ANKS1A: variants seen among roughly 807,000 people sequenced by gnomAD.
ANKS1A encodes the protein ankyrin repeat and sterile alpha motif domain containing 1A, also known as ankyrin repeat and SAM domain-containing protein 1A.
A neutral mutation model predicts 120.3 loss-of-function variants in ANKS1A; 55 were observed. That is an observed-to-expected ratio of 0.46 (90% CI 0.37 to 0.57). The LOEUF (loss-of-function observed/expected upper bound fraction) is 0.57, where lower values mean the gene tolerates loss of function less well. Among genes scored for constraint, ANKS1A ranks in the 20% least tolerant of loss-of-function variants. The pLI is 0.00. For missense variants in ANKS1A, 1,123 were observed against 1,480.3 expected (o/e 0.76, Z 3.96); for synonymous variants, 590 against 604.7 (o/e 0.98, Z 0.36).
chr6:35,040,411 GC>G (rs1775398147), intron 11 of ANKS1A, among the ~76,000 whole-genome samples: 2 of 152,218 alleles, frequency 1.3e-5, no homozygotes, highest in African/African-American at 4.8e-5. Flanking sequence ...GGTGGTGAGA[GC>G]CCAAGGGCCA....
chr6:34,999,826 A>AGAGGCAAGGAAAGACCG (rs1365516008), intron 10 of ANKS1A, among the ~76,000 whole-genome samples: 16 of 152,010 alleles, frequency 1.1e-4, no homozygotes, highest in Admixed American at 2.0e-4. Flanking sequence ...AGGAAAGACC[A>AGAGGCAAGGAAAGACCG]GCAGAGAGAA....
intron 1 of ANKS1A, among the ~76,000 whole-genome samples, chr6:34,965,558 T>G (rs1303582168): frequency 2.0e-5 from 3 of 151,664 alleles, no homozygotes; most frequent in African/African-American, 7.3e-5. Context: ...CCTATGTTGG[T>G]CAGGCTGGTC....
intron 1 of ANKS1A, among the ~76,000 whole-genome samples, chr6:34,960,312 T>C (rs898624932): frequency 9.2e-5 from 14 of 152,300 alleles, no homozygotes; most frequent in African/African-American, 2.9e-4. Flanking sequence ...TTGGCCCTTA[T>C]CACCACATAG....
intron 11 of ANKS1A, among the ~76,000 whole-genome samples, chr6:35,029,876 A>C (rs1037916773): frequency 6.6e-6 from 1 of 150,680 alleles, no homozygotes; most frequent in Admixed American, 6.6e-5. Context: ...ACACACAAAC[A>C]CATAATTTCC....
chr6:34,917,017 G>A (rs1300505607), intron 1 of ANKS1A, among the ~76,000 whole-genome samples: 1 of 152,110 alleles, frequency 6.6e-6, no homozygotes, highest in Non-Finnish European at 1.5e-5. Flanking sequence ...GATATTTAAG[G>A]GAGGGCCTCT....
intron 10 of ANKS1A, among the ~76,000 whole-genome samples, chr6:35,013,491 C>T (rs116367163): frequency 0.011 from 1,731 of 151,942 alleles, 38 homozygotes; most frequent in African/African-American, 0.036. Context: ...GATGAGGTCT[C>T]GCCATGTTGC....
intron 13 of ANKS1A, among the ~76,000 whole-genome samples, chr6:35,072,018 C>G (rs570928895): frequency 2.0e-5 from 3 of 152,280 alleles, no homozygotes; most frequent in Non-Finnish European, 2.9e-5. Context: ...CACTCCCAAA[C>G]AGTCCCCTTC....
rs372780777 is a variant in ANKS1A at position 35,050,626 on chromosome 6, C to T, written c.2011-3473C>T. Among the ~76,000 whole-genome samples, 1 of 151,084 alleles carries T rather than the reference C, an allele frequency of 6.6e-6. No homozygotes were observed. Among genetic ancestry groups the T allele is most frequent in the African/African-American group, 2.4e-5 (1 of 41,014 alleles). ...AGATTGAAATGATCTTATTTCCTCT[C>T]TGCTGGTTCTGGGCATGAGGGTGAG... On this transcript the variant is annotated intron_variant, in intron 11 of 23. Coordinates refer to ENST00000360359, the MANE Select transcript of ANKS1A (RefSeq NM_015245.3). This position sits in a 1 kb window ranked among gnomAD's most constrained non-coding sequence, Gnocchi z 4.3.
intron 10 of ANKS1A, among the ~76,000 whole-genome samples, chr6:34,997,686 GTTCT>G (rs1201570850): frequency 6.6e-6 from 1 of 152,136 alleles, no homozygotes; most frequent in Non-Finnish European, 1.5e-5. Flanking sequence ...GGAGATTCCA[GTTCT>G]TTCTTTCTTT....
chr6:34,962,545 T>C (rs937469417), intron 1 of ANKS1A, among the ~76,000 whole-genome samples: 1 of 152,224 alleles, frequency 6.6e-6, no homozygotes, highest in Admixed American at 6.5e-5. Context: ...CCCAGCACTT[T>C]GGGAGGCCAA....
In ANKS1A at chr6:35,018,044, C is replaced by T. The variant is rs753149467; in HGVS notation, c.1995C>T (p.Ala665=). The change falls in exon 11 of 24, where the codon GCC becomes GCT. Residue 665 remains alanine (A), a synonymous_variant. Transcript: ENST00000360359. ...KKRLEKSPSF[A]SEWDEIEKIM... The stretch of plus-strand genomic sequence containing the variant: ...GGCTAGAGAAGTCACCCTCCTTCGC[C>T]TCGGAGTGGGATGAGGTAAGGCCGA... The T allele has an allele frequency of 1.2e-6, 2 of 1,613,618 alleles. No homozygotes were observed. Among genetic ancestry groups the T allele is most frequent in the Non-Finnish European group, 1.7e-6 (2 of 1,179,894 alleles).
intron 1 of ANKS1A, among the ~76,000 whole-genome samples, chr6:34,911,714 G>C (rs1366136241): frequency 1.3e-5 from 2 of 152,164 alleles, no homozygotes; most frequent in Non-Finnish European, 2.9e-5. Flanking sequence ...TTTCTCTTCA[G>C]CTAGCCAAAA....
rs776306975 is a variant in ANKS1A, at chr6:35,089,987, T to C, written c.*1378T>C. 4 of 1,185,294 alleles carry C rather than the reference T, an allele frequency of 3.4e-6. No homozygotes were observed. The highest frequency in any genetic ancestry group is 4.3e-6 in the Non-Finnish European group (4 of 938,410). 73.4% of individuals were successfully genotyped at this position (1,185,294 alleles called of 1,614,324 possible). ...AATTTGAATTCTTTGTTGGTATGTA[T>C]GTGCAGGGAGTACTGTTAGGCACAT... On this transcript the variant is annotated 3_prime_UTR_variant, in exon 24 of 24. Coordinates refer to ENST00000360359, the MANE Select transcript of ANKS1A (RefSeq NM_015245.3).
chr6:35,078,758 C>T (rs1199362032), intron 14 of ANKS1A, 102 bp downstream of exon 14: 10 of 1,133,536 alleles, frequency 8.8e-6, no homozygotes, highest in South Asian at 1.3e-5. Context: ...CTCCAGCACA[C>T]GCACATCATA....
At chr6:35,018,614 G>C (rs1028401901) in intron 11 of ANKS1A, among the ~76,000 whole-genome samples, 1 of 152,046 alleles carries the variant, frequency 6.6e-6, no homozygotes, top group Admixed American at 6.6e-5. Context: ...TGATGCTGAG[G>C]TTTGGGGTAC....
intron 8 of ANKS1A, among the ~76,000 whole-genome samples, chr6:34,986,608 G>A (rs925657783): frequency 2.6e-5 from 4 of 152,216 alleles, no homozygotes; most frequent in Admixed American, 6.5e-5. Flanking sequence ...GTTTCTTGCA[G>A]GTGTGCCCTG....
At position 35,082,823 on chromosome 6, in the gene ANKS1A, T is replaced by C; in HGVS notation, c.2835+7T>C. On this transcript the variant is annotated splice_region_variant and intron_variant, in intron 18 of 23. Transcript: ENST00000360359. The surrounding 1 kb of genome is among the most constrained non-coding windows in gnomAD (Gnocchi z 4.1). ...CTGTGGTTATGAAGCCAATGTGAGT[T>C]GCTCCCACCCTCCCAGCAGGGCCGG... 6.2e-7 allele frequency: 1 copy of C among 1,610,232 alleles called. No homozygotes were observed. The highest frequency in any genetic ancestry group is 8.5e-7 in the Non-Finnish European group (1 of 1,178,074).
chr6:34,944,601 G>A (rs756608012), intron 1 of ANKS1A, among the ~76,000 whole-genome samples: 39 of 152,030 alleles, frequency 2.6e-4, no homozygotes, highest in Non-Finnish European at 4.7e-4. Context: ...CTCAGTATCC[G>A]TGGGGGACTG....
At chr6:35,067,670 G>A (rs1776847094) in intron 13 of ANKS1A, among the ~76,000 whole-genome samples, 1 of 152,084 alleles carries the variant, frequency 6.6e-6, no homozygotes, top group Non-Finnish European at 1.5e-5. Context: ...AAGAAAAACT[G>A]TCTGCATTCA....
Sources: gnomAD v4.1 joint callset for allele counts (sites outside exome capture counted in the v4.1 genomes callset) on GRCh38, gnomAD v4.1.1 for gene constraint, Gnocchi (gnomAD v3.1) non-coding constraint, MANE v1.5 for transcripts, NCBI Gene and HGNC (gene_info 2026-07-23, HGNC 2026-07-21) for gene names.